CA10: variants seen among roughly 807,000 people sequenced by gnomAD.
CA10 encodes carbonic anhydrase-related protein 10.
A neutral mutation model predicts 44.2 loss-of-function variants in CA10; 14 were observed. That is an observed-to-expected ratio of 0.32 (90% CI 0.21 to 0.50). The LOEUF is 0.50. CA10 is among the 20% of genes least tolerant of loss of function. The probability of loss-of-function intolerance (pLI) is 0.99; values close to 1 mark genes in which losing one functional copy is unlikely to be tolerated. For missense variants in CA10, 350 were observed against 409.7 expected (o/e 0.85, Z 1.26); for synonymous variants, 159 against 141.6 (o/e 1.12, Z -0.87).
chr17:52,028,652 TA>T (rs1986372239), intron 2 of CA10, among the ~76,000 whole-genome samples: 1 of 152,182 alleles, frequency 6.6e-6, no homozygotes, highest in African/African-American at 2.4e-5. Flanking sequence ...CAACTAAAAA[TA>T]ATACCTGGGT....
At chr17:51,929,704 A>G (rs1982574354) in intron 3 of CA10, among the ~76,000 whole-genome samples, 1 of 152,062 alleles carries the variant, frequency 6.6e-6, no homozygotes, top group African/African-American at 2.4e-5. Context: ...TAAATAAATA[A>G]TTCACCTTTT....
chr17:51,855,376 T>A (rs1978995264), intron 3 of CA10, among the ~76,000 whole-genome samples: 1 of 152,152 alleles, frequency 6.6e-6, no homozygotes, highest in Non-Finnish European at 1.5e-5. Context: ...GCACCATCCT[T>A]TTAAGAAATA....
chr17:52,025,864 A>ATC (rs1395323988), intron 2 of CA10, among the ~76,000 whole-genome samples: 3 of 152,290 alleles, frequency 2.0e-5, no homozygotes, highest in African/African-American at 7.2e-5. Context: ...GATGGAACCC[A>ATC]TATGGGAAAG....
intron 3 of CA10, among the ~76,000 whole-genome samples, chr17:51,928,779 C>T (rs766988432): frequency 6.6e-6 from 1 of 152,176 alleles, no homozygotes; most frequent in Non-Finnish European, 1.5e-5. Flanking sequence ...TGAATTCTCA[C>T]TTTCAAAACA....
intron 2 of CA10, among the ~76,000 whole-genome samples, chr17:51,988,643 T>C (rs148537676): frequency 1.1e-3 from 171 of 152,146 alleles, no homozygotes; most frequent in African/African-American, 3.9e-3. Flanking sequence ...TACTCCTACC[T>C]AAGAATAAAC....
intron 3 of CA10, among the ~76,000 whole-genome samples, chr17:51,766,170 G>C (rs1358758275): frequency 6.6e-6 from 1 of 152,256 alleles, no homozygotes; most frequent in African/African-American, 2.4e-5. Context: ...TCTTTAAAAG[G>C]CTCCAGCTCA....
At chr17:51,924,040 G>A (rs932761310) in intron 3 of CA10, among the ~76,000 whole-genome samples, 3 of 152,088 alleles carry the variant, frequency 2.0e-5, no homozygotes, top group Admixed American at 1.3e-4. Flanking sequence ...CAAGGAAAGC[G>A]ATATTAATAT....
chr17:51,925,636 C>T (rs1200878843), intron 3 of CA10, among the ~76,000 whole-genome samples: 1 of 152,092 alleles, frequency 6.6e-6, no homozygotes, highest in African/African-American at 2.4e-5. Flanking sequence ...CATTGTATAC[C>T]AATTTTCATT....
At chr17:51,878,217 A>G (rs574692866) in intron 3 of CA10, among the ~76,000 whole-genome samples, 1 of 152,016 alleles carries the variant, frequency 6.6e-6, no homozygotes, top group Admixed American at 6.6e-5. Context: ...CTGATAGTGC[A>G]TCAGAATTAC....
rs199891093 is a variant in CA10, at chr17:51,849,163, G to GTA, written c.279+81825_279+81826dup. 3.0e-3 allele frequency among the ~76,000 whole-genome samples: 269 copies of GTA among 90,238 alleles called. 2 individuals are homozygous for GTA. The highest frequency in any genetic ancestry group is 3.7e-3 in the Non-Finnish European group (163 of 44,314). The allele number at this position is 90,238 out of a possible 152,430, so 59.2% of individuals were successfully genotyped here. ...TAGTTTTTTATATATATACATATAT[G>GTA]TATATATATATACATATATGTATAT... is the stretch of plus-strand genomic sequence containing the variant. On this transcript the variant is annotated intron_variant, in intron 3 of 8. Transcript: ENST00000451037.
At chr17:51,876,665 T>C (rs541340090) in intron 3 of CA10, among the ~76,000 whole-genome samples, 1 of 151,670 alleles carries the variant, frequency 6.6e-6, no homozygotes, top group Admixed American at 6.6e-5. Flanking sequence ...TTACCAAATG[T>C]TGGGGGGCAA....
chr17:51,984,519 A>G (rs1176910504), intron 2 of CA10, among the ~76,000 whole-genome samples: 1 of 151,920 alleles, frequency 6.6e-6, no homozygotes, highest in Non-Finnish European at 1.5e-5. Context: ...CAGCAGAACT[A>G]AATAACATAG....
intron 3 of CA10, among the ~76,000 whole-genome samples, chr17:51,841,321 C>A (rs1219618138): frequency 6.6e-6 from 1 of 152,188 alleles, no homozygotes; most frequent in Non-Finnish European, 1.5e-5. Context: ...TTCCTGGTTT[C>A]ATGGCCTCCA....
At chr17:52,093,993 A>C (rs1305814714) in intron 1 of CA10, among the ~76,000 whole-genome samples, 1 of 152,154 alleles carries the variant, frequency 6.6e-6, no homozygotes, top group Non-Finnish European at 1.5e-5. Flanking sequence ...TGTCCTTTGC[A>C]GGGACATGGA....
At chr17:51,692,499 T>G (rs1915248309) in intron 4 of CA10, among the ~76,000 whole-genome samples, 1 of 152,150 alleles carries the variant, frequency 6.6e-6, no homozygotes, top group Non-Finnish European at 1.5e-5. Context: ...AAGGATAATT[T>G]GATTTCTTCC....
chr17:51,849,183 GTATATATATATATACATATATGTA>G (rs200265970), intron 3 of CA10, among the ~76,000 whole-genome samples: 16,515 of 76,090 alleles, frequency 0.22, 2,483 homozygotes, highest in African/African-American at 0.45. Flanking sequence ...ATACATATAT[GTATATATATATATACATATATGTA>G]TATATATATA....
intron 1 of CA10, among the ~76,000 whole-genome samples, chr17:52,111,664 G>A (rs1337387777): frequency 6.6e-6 from 1 of 152,118 alleles, no homozygotes; most frequent in Non-Finnish European, 1.5e-5. Flanking sequence ...AGAGAGAGCT[G>A]GGTTGGTCAT....
chr17:52,113,599 A>G (rs751634331), intron 1 of CA10, among the ~76,000 whole-genome samples: 5 of 152,230 alleles, frequency 3.3e-5, no homozygotes, highest in Non-Finnish European at 7.3e-5. Context: ...CTGCTATGCA[A>G]TAAGTAATTA....
At chr17:51,833,099 G>A (rs1908343241) in intron 3 of CA10, among the ~76,000 whole-genome samples, 1 of 152,132 alleles carries the variant, frequency 6.6e-6, no homozygotes, top group African/African-American at 2.4e-5. Flanking sequence ...AGGCCCTCTG[G>A]AACCAAACAC....
Sources: allele counts gnomAD v4.1 joint callset (sites outside exome capture counted in the v4.1 genomes callset), GRCh38; gene constraint gnomAD v4.1.1; transcripts MANE v1.5; gene names NCBI Gene and HGNC (gene_info 2026-07-23, HGNC 2026-07-21).